Variants in DPYD observed in about 807,000 individuals in gnomAD.
DPYD encodes dihydropyrimidine dehydrogenase [NADP(+)].
A neutral mutation model predicts 116.2 loss-of-function variants in DPYD; 109 were observed. The ratio of observed to expected loss-of-function variants is 0.94; its 90% CI spans 0.80 to 1.10. The LOEUF (loss-of-function observed/expected upper bound fraction) is 1.10. DPYD is among the 50% of genes least tolerant of loss of function. DPYD has a pLI of 0.00. For synonymous variants in DPYD, 440 were observed against 432.0 expected (o/e 1.02, Z -0.23); for missense variants, 1,302 against 1,254.5 (o/e 1.04, Z -0.57).
At chr1:97,327,237 C>G (rs1668755480) in intron 16 of DPYD, among the ~76,000 whole-genome samples, 2 of 151,952 alleles carry the variant, frequency 1.3e-5, no homozygotes, top group African/African-American at 2.4e-5. Flanking sequence ...TATTTTCTTT[C>G]AAATTATCCC....
At chr1:97,362,465 A>G (rs150148381) in intron 16 of DPYD, among the ~76,000 whole-genome samples, 34,420 of 152,110 alleles carry the variant, frequency 0.23, 4,517 homozygotes, top group Middle Eastern at 0.36. Context: ...TAAAGTTCAT[A>G]TGGAATCAAA....
intron 5 of DPYD, among the ~76,000 whole-genome samples, chr1:97,703,000 GA>G (rs1661694198): frequency 6.6e-6 from 1 of 151,962 alleles, no homozygotes; most frequent in African/African-American, 2.4e-5. Flanking sequence ...GCACATACTA[GA>G]ATGTAAATTG....
chr1:97,158,298 A>C (rs1167022922), intron 20 of DPYD, among the ~76,000 whole-genome samples: 1 of 152,052 alleles, frequency 6.6e-6, no homozygotes, highest in Non-Finnish European at 1.5e-5. Context: ...AGCAAAAAAC[A>C]TTTAAGTCTT....
At chr1:97,563,948 C>G (rs1026532859) in intron 11 of DPYD, among the ~76,000 whole-genome samples, 2 of 152,092 alleles carry the variant, frequency 1.3e-5, no homozygotes, top group Non-Finnish European at 2.9e-5. Flanking sequence ...CAACATATTT[C>G]GTAATAGAAA....
chr1:97,283,239 G>C (rs1055069282), intron 18 of DPYD, among the ~76,000 whole-genome samples: 9 of 151,846 alleles, frequency 5.9e-5, no homozygotes, highest in Non-Finnish European at 1.2e-4. Context: ...AACATCTTTT[G>C]TTTCCCTGAC....
At chr1:97,409,267 C>T (rs534406566) in intron 14 of DPYD, among the ~76,000 whole-genome samples, 80 of 152,186 alleles carry the variant, frequency 5.3e-4, no homozygotes, top group Non-Finnish European at 5.3e-4. Flanking sequence ...TTTTATGAGA[C>T]GTAGCTCTTT....
intron 2 of DPYD, chr1:97,855,412 A>G (rs1037205706): frequency 2.0e-5 from 3 of 152,176 alleles, no homozygotes; most frequent in Non-Finnish European, 4.4e-5. Flanking sequence ...CTTTAGAAGA[A>G]AAAACATATT....
intron 16 of DPYD, among the ~76,000 whole-genome samples, chr1:97,332,507 C>T (rs4950027): frequency 0.053 from 8,024 of 152,190 alleles, 284 homozygotes; most frequent in East Asian, 0.11. Flanking sequence ...TTGATGATTT[C>T]GTTGAGTTTT....
chr1:97,801,862 G>A (rs1667863268), intron 3 of DPYD, among the ~76,000 whole-genome samples: 1 of 151,554 alleles, frequency 6.6e-6, no homozygotes, highest in East Asian at 1.9e-4. Flanking sequence ...TGTAGTTCTT[G>A]TCTCAATTGT....
chr1:97,643,354 T>C (rs180943937), intron 8 of DPYD, among the ~76,000 whole-genome samples: 54 of 152,260 alleles, frequency 3.5e-4, no homozygotes, highest in African/African-American at 1.3e-3. Context: ...TCCCTGGTCA[T>C]TACAGTAATA....
chr1:97,690,302 C>A (rs1178531817), intron 7 of DPYD, among the ~76,000 whole-genome samples: 1 of 151,896 alleles, frequency 6.6e-6, no homozygotes, highest in African/African-American at 2.4e-5. Flanking sequence ...TACTACTGCA[C>A]CTTGATGAGT....
chr1:97,755,329 C>A (rs1190353165), intron 3 of DPYD, among the ~76,000 whole-genome samples: 3 of 152,146 alleles, frequency 2.0e-5, no homozygotes, highest in African/African-American at 7.2e-5. Flanking sequence ...AGCTGTGATG[C>A]CAGTGGGATG....
chr1:97,297,274 T>C (rs936681913), intron 18 of DPYD, among the ~76,000 whole-genome samples: 11 of 152,180 alleles, frequency 7.2e-5, no homozygotes, highest in African/African-American at 2.7e-4. Flanking sequence ...ACAACTCTTA[T>C]CATCACTCCT....
chr1:97,478,730 C>T (rs191843819), intron 13 of DPYD, among the ~76,000 whole-genome samples: 3 of 152,330 alleles, frequency 2.0e-5, no homozygotes, highest in Non-Finnish European at 2.9e-5. Context: ...TCTTGTTTAG[C>T]TGTAAAAGTC....
At position 97,461,168 on chromosome 1, in the gene DPYD, A is replaced by G. The variant is rs1484218520; in HGVS notation, c.1741-10945T>C. Among the ~76,000 whole-genome samples, 5 of 152,068 alleles carry G rather than the reference A, an allele frequency of 3.3e-5. No homozygotes were observed. In the East Asian group the frequency reaches 9.7e-4, roughly 29 times the overall value. ...GTTCAGTTCCTTCTTTCACCCTTCT[A>G]TTGCTTGTGCTGCCACCTCCCCTCA... is the stretch of plus-strand genomic sequence containing the variant. On this transcript the variant is annotated intron_variant, in intron 13 of 22. Coordinates refer to ENST00000370192, the MANE Select transcript of DPYD (RefSeq NM_000110.4).
intron 19 of DPYD, among the ~76,000 whole-genome samples, chr1:97,199,044 A>G (rs1358003586): frequency 6.6e-6 from 1 of 152,174 alleles, no homozygotes; most frequent in Non-Finnish European, 1.5e-5. Context: ...ACAACTGTAC[A>G]AATACCTGGA....
chr1:97,157,469 G>C (rs879326921), intron 20 of DPYD, among the ~76,000 whole-genome samples: 2 of 151,870 alleles, frequency 1.3e-5, no homozygotes, highest in East Asian at 1.9e-4. Context: ...AAATAAGATG[G>C]GTTTTATTAC....
chr1:97,553,469 C>A (rs1453804142), intron 11 of DPYD, among the ~76,000 whole-genome samples: 3 of 151,950 alleles, frequency 2.0e-5, no homozygotes, highest in African/African-American at 7.2e-5. Flanking sequence ...TCTTTTACAT[C>A]TCTGCTGATA....
intron 12 of DPYD, among the ~76,000 whole-genome samples, chr1:97,520,906 T>C (rs944192877): frequency 4.6e-5 from 7 of 152,138 alleles, no homozygotes; most frequent in Non-Finnish European, 8.8e-5. Flanking sequence ...TTCAAGTCTT[T>C]GCAATTGTGA....
Sources: allele counts gnomAD v4.1 joint callset (sites outside exome capture counted in the v4.1 genomes callset), GRCh38; gene constraint gnomAD v4.1.1; transcripts MANE v1.5; gene names NCBI Gene and HGNC (gene_info 2026-07-23, HGNC 2026-07-21).